The following SNX18 variants were observed in gnomAD, a reference collection of about 807,000 sequenced individuals.
The protein encoded by SNX18 is sorting nexin-18.
SNX18 carries 35 observed loss-of-function variants against 48.7 expected under a neutral mutation model. The observed-to-expected ratio is 0.72, with a 90% CI of 0.55 to 0.95. SNX18 has a LOEUF of 0.95. SNX18 is among the 40% of genes least tolerant of loss of function. The probability of loss-of-function intolerance (pLI) is 0.00; values close to 1 mark genes in which losing one functional copy is unlikely to be tolerated. For missense variants in SNX18, 824 were observed against 871.0 expected, an observed-to-expected ratio of 0.95 and a Z score of 0.68; for synonymous variants, 492 against 384.7, an observed-to-expected ratio of 1.28 and a Z score of -3.26.
the SNX18 span, among the ~76,000 whole-genome samples, chr5:54,606,152 T>C: frequency 6.6e-6 from 1 of 152,256 alleles, no homozygotes; most frequent in Non-Finnish European, 1.5e-5. Flanking sequence ...TTTCAGGTTT[T>C]GGATGGCTGC....
chr5:54,556,057 G>A, the SNX18 span, among the ~76,000 whole-genome samples: 7 of 152,076 alleles, frequency 4.6e-5, no homozygotes, highest in Non-Finnish European at 1.0e-4. Context: ...CAGCTCTTTG[G>A]TGAAAGCCTA....
the SNX18 span, among the ~76,000 whole-genome samples, chr5:54,587,830 A>G: frequency 8.5e-5 from 13 of 152,128 alleles, no homozygotes; most frequent in African/African-American, 3.1e-4. Flanking sequence ...AAAATCCCCA[A>G]TATTTTTTAA....
chr5:54,561,071 T>A, the SNX18 span, among the ~76,000 whole-genome samples: 1 of 152,204 alleles, frequency 6.6e-6, no homozygotes, highest in African/African-American at 2.4e-5. Flanking sequence ...AGATGGAGTT[T>A]TGTTCTGATT....
chr5:54,629,788 G>A, the SNX18 span, among the ~76,000 whole-genome samples: 6 of 152,240 alleles, frequency 3.9e-5, no homozygotes, highest in Admixed American at 1.3e-4. Context: ...TGGATATCTC[G>A]TCTTTCTTAT....
intron 1 of SNX18, among the ~76,000 whole-genome samples, chr5:54,530,309 C>T (rs1580100548): frequency 6.6e-6 from 1 of 152,154 alleles, no homozygotes; most frequent in East Asian, 1.9e-4. Flanking sequence ...CACTATTGAA[C>T]ACAGCGCAGT....
At chr5:54,640,873 A>C in the SNX18 span, among the ~76,000 whole-genome samples, 3 of 152,328 alleles carry the variant, frequency 2.0e-5, no homozygotes, top group Admixed American at 6.5e-5. Flanking sequence ...CGGCCTGGTC[A>C]ACATGGTTAA....
At chr5:54,594,329 G>A in the SNX18 span, among the ~76,000 whole-genome samples, 4 of 152,220 alleles carry the variant, frequency 2.6e-5, no homozygotes, top group African/African-American at 9.6e-5. Flanking sequence ...GGTGCTGATT[G>A]TGTGACCATA....
Position 54,518,279 on chromosome 5 carries a change from G to C in SNX18, c.327G>C (p.Gln109His), listed in dbSNP as rs746811166. ...CTGACGCCTTCCAGGCGCTGCTGCA[G>C]CCACAGCAGGCGCCGCCTCCGAGCA... is the stretch of plus-strand genomic sequence containing the variant. ...PPPDAFQALL[Q>H]PQQAPPPSTF... Residue 109 changes from glutamine (Q) to histidine (H), a missense_variant, in exon 1 of 2, where the codon CAG (glutamine) becomes CAC (histidine). Physicochemically the swap from Gln to His is conservative, Grantham distance 24 (BLOSUM62 0). Transcript: ENST00000381410. 1 of 1,498,074 alleles carries C rather than the reference G, an allele frequency of 6.7e-7. No homozygotes were observed. The highest frequency in any genetic ancestry group is 8.9e-7 in the Non-Finnish European group (1 of 1,128,678). 92.8% of individuals were successfully genotyped at this position (1,498,074 alleles called of 1,614,324 possible). A position where few individuals can be genotyped will look rare whatever the true frequency, so the allele number is the denominator to read the frequency against.
chr5:54,588,062 A>G, the SNX18 span, among the ~76,000 whole-genome samples: 1 of 152,054 alleles, frequency 6.6e-6, no homozygotes, highest in African/African-American at 2.4e-5. Flanking sequence ...AATCCAAGCA[A>G]CCCAATCAAG....
Position 54,517,873 on chromosome 5 carries a change from C to T in SNX18, c.-80C>T, listed in dbSNP as rs968164874. The T allele has an allele frequency of 2.2e-6, 3 of 1,361,148 alleles. No homozygotes were observed. The highest frequency in any genetic ancestry group is 1.5e-5 in the African/African-American group (1 of 65,066). The allele number at this position is 1,361,148 out of a possible 1,614,324, so 84.3% of individuals were successfully genotyped here. A position where few individuals can be genotyped will look rare whatever the true frequency, so the allele number is the denominator to read the frequency against. ...GGGCTCCAGTCCGCGCGCCAGGGCT[C>T]GAGCAGTACCGCGGGCCCCTCAGGT... On this transcript the variant is annotated 5_prime_UTR_variant, in exon 1 of 2. Transcript: ENST00000381410.
At chr5:54,538,736 C>T (rs2111586262) in intron 1 of SNX18, among the ~76,000 whole-genome samples, 1 of 152,322 alleles carries the variant, frequency 6.6e-6, no homozygotes, top group East Asian at 1.9e-4. Context: ...CCATTCGCTT[C>T]AATTCAGGAT....
At chr5:54,542,924 AC>A (rs1762499118) in intron 1 of SNX18, among the ~76,000 whole-genome samples, 1 of 152,228 alleles carries the variant, frequency 6.6e-6, no homozygotes, top group Admixed American at 6.5e-5. Flanking sequence ...GAGATGGGAT[AC>A]TACAGATTCT....
the SNX18 span, among the ~76,000 whole-genome samples, chr5:54,630,829 C>CAAAA: frequency 6.4e-4 from 60 of 94,462 alleles, 1 homozygote; most frequent in Non-Finnish European, 7.6e-4. Context: ...AAGACTCAGT[C>CAAAA]AAAAAAAAAA....
the SNX18 span, among the ~76,000 whole-genome samples, chr5:54,610,162 C>T: frequency 6.6e-6 from 1 of 152,138 alleles, no homozygotes; most frequent in Non-Finnish European, 1.5e-5. Context: ...ATAAATTACC[C>T]AGTCTCAGGT....
chr5:54,604,152 A>G, the SNX18 span, among the ~76,000 whole-genome samples: 2 of 152,358 alleles, frequency 1.3e-5, no homozygotes, highest in South Asian at 2.1e-4. Context: ...CCATGCTGAC[A>G]GTATGATGGC....
At chr5:54,586,455 T>A in the SNX18 span, among the ~76,000 whole-genome samples, 1 of 144,970 alleles carries the variant, frequency 6.9e-6, no homozygotes, top group Non-Finnish European at 1.5e-5. Flanking sequence ...GAAAAAAAAA[T>A]GTTGATTTGA....
At chr5:54,616,753 A>G in the SNX18 span, among the ~76,000 whole-genome samples, 1 of 151,644 alleles carries the variant, frequency 6.6e-6, no homozygotes, top group African/African-American at 2.4e-5. Flanking sequence ...TGGATGACAG[A>G]GCAAGACTCC....
At chr5:54,595,328 C>G in the SNX18 span, among the ~76,000 whole-genome samples, 1 of 152,170 alleles carries the variant, frequency 6.6e-6, no homozygotes, top group South Asian at 2.1e-4. Flanking sequence ...CTCTGCCTCT[C>G]AGGTTCAAGA....
At chr5:54,522,881 G>A (rs1762057747) in intron 1 of SNX18, among the ~76,000 whole-genome samples, 1 of 152,174 alleles carries the variant, frequency 6.6e-6, no homozygotes, top group Non-Finnish European at 1.5e-5. Context: ...TGAAGAAAGC[G>A]ATATACTTCC....
Sources: allele counts gnomAD v4.1 joint callset (sites outside exome capture counted in the v4.1 genomes callset), GRCh38; gene constraint gnomAD v4.1.1; transcripts MANE v1.5; gene names NCBI Gene and HGNC (gene_info 2026-07-23, HGNC 2026-07-21).